The following BCL11B variants were observed in gnomAD, a reference collection of about 807,000 sequenced individuals.
BCL11B encodes BCL11 transcription factor B.
A neutral mutation model predicts 49.9 loss-of-function variants in BCL11B; 8 were observed. The observed-to-expected ratio is 0.16, with a 90% CI of 0.09 to 0.29. The LOEUF (loss-of-function observed/expected upper bound fraction) is 0.29, where lower values mean the gene tolerates loss of function less well. Among genes scored for constraint, BCL11B ranks in the 10% least tolerant of loss-of-function variants. The probability of loss-of-function intolerance (pLI) is 1.00; values close to 1 mark genes in which losing one functional copy is unlikely to be tolerated. For missense variants in BCL11B, 1,006 were observed against 1,351.0 expected (o/e 0.74, Z 4.00); for synonymous variants, 739 against 637.4 (o/e 1.16, Z -2.40).
chr14:99,233,423 ATC>A (rs957797531), intron 2 of BCL11B, among the ~76,000 whole-genome samples: 1 of 152,190 alleles, frequency 6.6e-6, no homozygotes, highest in Non-Finnish European at 1.5e-5. Context: ...GGGTCCTGGG[ATC>A]TCTAGAGCAA....
rs1889368273 is a variant in BCL11B at position 99,262,606 on chromosome 14, C to T, written c.59-4767G>A. Among the ~76,000 whole-genome samples, 2 of 152,176 alleles carry T rather than the reference C, an allele frequency of 1.3e-5. No individual in the cohort carries two copies. The highest frequency in any genetic ancestry group is 4.8e-5 in the African/African-American group (2 of 41,432). ...AAGAAATGTTCAGCATCCATCCGCC[C>T]GAGCTCTGCATCCGACTGGAGACTT... On this transcript the variant is annotated intron_variant, in intron 1 of 3. Transcript: ENST00000357195. The surrounding 1 kb of genome is among the most constrained non-coding windows in gnomAD (Gnocchi z 4.2).
intron 1 of BCL11B, among the ~76,000 whole-genome samples, chr14:99,265,614 G>A (rs1005260556): frequency 8.5e-5 from 13 of 152,204 alleles, no homozygotes; most frequent in African/African-American, 2.7e-4. Flanking sequence ...AGAGACCACC[G>A]TCCGGCCCAA....
chr14:99,228,447 C>T lies in BCL11B; in HGVS notation c.640+2898G>A, dbSNP rs1309889264. On this transcript the variant is annotated intron_variant, in intron 3 of 3. Coordinates refer to ENST00000357195, the MANE Select transcript of BCL11B (RefSeq NM_138576.4). The surrounding 1 kb of genome is among the most constrained non-coding windows in gnomAD (Gnocchi z 4.8). The stretch of plus-strand genomic sequence containing the variant: ...ACTGGGACCGAATGAAAAAAGAGAA[C>T]TGTACCAGACATGGTGGCAGAGGGC... Among the ~76,000 whole-genome samples the T allele has an allele frequency of 6.6e-6, 1 of 152,186 alleles. No individual in the cohort carries two copies. Among genetic ancestry groups the T allele is most frequent in the Non-Finnish European group, 1.5e-5 (1 of 68,022 alleles).
intron 3 of BCL11B, among the ~76,000 whole-genome samples, chr14:99,219,532 GA>G (rs1887949904): frequency 6.6e-6 from 1 of 152,102 alleles, no homozygotes; most frequent in Non-Finnish European, 1.5e-5. Context: ...CCCAGCCAAG[GA>G]AGCAAAACCA....
chr14:99,260,829 C>A lies in BCL11B; in HGVS notation c.59-2990G>T, dbSNP rs1328999143. 2.6e-5 allele frequency among the ~76,000 whole-genome samples: 4 copies of A among 152,126 alleles called. No homozygotes were observed. In the East Asian group the frequency reaches 7.7e-4, roughly 29 times the overall value. On this transcript the variant is annotated intron_variant, in intron 1 of 3. Transcript: ENST00000357195. ...GCGTCAAGTCCTAACAGCCAACCAA[C>A]CTGGGAGCCAGGCCCTGTTGGCGTC... is the stretch of plus-strand genomic sequence containing the variant.
At chr14:99,197,942 C>T (rs1370029204) in intron 3 of BCL11B, among the ~76,000 whole-genome samples, 6 of 152,162 alleles carry the variant, frequency 3.9e-5, no homozygotes, top group South Asian at 2.1e-4. Flanking sequence ...AATAAAGAGA[C>T]GATGCCTCCC....
chr14:99,180,929 A>G (rs560543164), intron 3 of BCL11B, among the ~76,000 whole-genome samples: 2 of 152,270 alleles, frequency 1.3e-5, no homozygotes, highest in South Asian at 4.1e-4. Context: ...CCTGCAATGA[A>G]ATGTGACTCT....
chr14:99,258,066 T>C (rs933405347), intron 1 of BCL11B, among the ~76,000 whole-genome samples: 3 of 152,204 alleles, frequency 2.0e-5, no homozygotes, highest in Non-Finnish European at 2.9e-5. Flanking sequence ...CCCCTGGGCA[T>C]TGCCACGTAA....
At chr14:99,239,461 G>T (rs546560327) in intron 2 of BCL11B, among the ~76,000 whole-genome samples, 1 of 152,296 alleles carries the variant, frequency 6.6e-6, no homozygotes, top group African/African-American at 2.4e-5. Context: ...GAACTTAGGG[G>T]CCAGACTCCA....
chr14:99,221,507 C>T (rs1345941057), intron 3 of BCL11B, among the ~76,000 whole-genome samples: 1 of 152,240 alleles, frequency 6.6e-6, no homozygotes, highest in Non-Finnish European at 1.5e-5. Flanking sequence ...CCAGTGGCAG[C>T]TCTGTGATTC....
At chr14:99,246,710 G>T (rs1888853122) in intron 2 of BCL11B, among the ~76,000 whole-genome samples, 1 of 96,406 alleles carries the variant, frequency 1.0e-5, no homozygotes, top group Admixed American at 1.2e-4. Flanking sequence ...TGAGCCCTTG[G>T]AGGGAGGGGC....
intron 3 of BCL11B, among the ~76,000 whole-genome samples, chr14:99,209,762 C>A (rs532815915): frequency 6.6e-6 from 1 of 152,188 alleles, no homozygotes; most frequent in South Asian, 2.1e-4. Flanking sequence ...GTCCTCTCTG[C>A]CTCTAAATCT....
In BCL11B at chr14:99,241,983, T is replaced by A. The variant is rs947565532; in HGVS notation, c.428-10426A>T. ...GATTTATTTAGCTGTGTTTAACGTG[T>A]CTGTCCTCCACTCGACTACAAGCCC... On this transcript the variant is annotated intron_variant, in intron 2 of 3. Coordinates refer to ENST00000357195, the MANE Select transcript of BCL11B (RefSeq NM_138576.4). This position sits in a 1 kb window ranked among gnomAD's most constrained non-coding sequence, Gnocchi z 4.4. Among the ~76,000 whole-genome samples, 1 of 152,180 alleles carries A rather than the reference T, an allele frequency of 6.6e-6. No individual in the cohort carries two copies. Among genetic ancestry groups the A allele is most frequent in the Admixed American group, 6.5e-5 (1 of 15,288 alleles).
Position 99,257,750 on chromosome 14 carries a change from C to T in BCL11B, c.148G>A (p.Gly50Ser), listed in dbSNP as rs1889213565. 1 of 1,607,736 alleles carries T rather than the reference C, an allele frequency of 6.2e-7. No individual in the cohort carries two copies. Among genetic ancestry groups the T allele is most frequent in the African/African-American group, 1.3e-5 (1 of 74,800 alleles). ...CAGGTGAGCAGGTCAGGGTCGGGGC[C>T]ACCCACCATCAGCCCCAGGCCACTT... is the stretch of plus-strand genomic sequence containing the variant. ...EPSGLGLMVG[G>S]PDPDLLTCGQ... Residue 50 changes from glycine (G) to serine (S), a missense_variant, in exon 2 of 4, where the codon GGC becomes AGC. Physicochemically the swap from Gly to Ser is moderately conservative, Grantham distance 56. Coordinates refer to ENST00000357195, the MANE Select transcript of BCL11B (RefSeq NM_138576.4). The surrounding 1 kb of genome is among the most constrained non-coding windows in gnomAD (Gnocchi z 6.2).
Position 99,173,776 on chromosome 14 carries a change from G to A in BCL11B, c.*375C>T, listed in dbSNP as rs1040713461. 1.1e-5 allele frequency: 3 copies of A among 269,472 alleles called. No homozygotes were observed. Among genetic ancestry groups the A allele is most frequent in the African/African-American group, 2.2e-5 (1 of 45,614 alleles). The allele number at this position is 269,472 out of a possible 1,614,324, so 16.7% of individuals were successfully genotyped here. A position where few individuals can be genotyped will look rare whatever the true frequency, so the allele number is the denominator to read the frequency against. The stretch of plus-strand genomic sequence containing the variant: ...ATATGCTTCCCCTCTAACATTGCTT[G>A]CGAGTCATTGCTCAGGCTACTACCG... On this transcript the variant is annotated 3_prime_UTR_variant, in exon 4 of 4. Transcript: ENST00000357195.
intron 2 of BCL11B, among the ~76,000 whole-genome samples, chr14:99,234,011 G>C (rs1009421008): frequency 1.3e-5 from 2 of 152,138 alleles, no homozygotes; most frequent in African/African-American, 4.8e-5. Context: ...CCTTCCCAAG[G>C]GTGGAACTCA....
chr14:99,255,798 G>A (rs1329025066), intron 2 of BCL11B, among the ~76,000 whole-genome samples: 1 of 152,230 alleles, frequency 6.6e-6, no homozygotes, highest in African/African-American at 2.4e-5. Context: ...GTGAAGAGAC[G>A]CTGCTCAGGT....
At position 99,194,613 on chromosome 14, in the gene BCL11B, A is replaced by C. The variant is rs1887128046; in HGVS notation, c.641-18418T>G. ...CTCTGAATCTGTCCTTCGGTGTGAA[A>C]GGCCTTGTCTGCAAAATGGCCCCCA... On this transcript the variant is annotated intron_variant, in intron 3 of 3. Transcript: ENST00000357195. The surrounding 1 kb of genome is among the most constrained non-coding windows in gnomAD (Gnocchi z 4.6). 6.6e-6 allele frequency among the ~76,000 whole-genome samples: 1 copy of C among 152,202 alleles called. No homozygotes were observed. Among genetic ancestry groups the C allele is most frequent in the African/African-American group, 2.4e-5 (1 of 41,450 alleles).
intron 3 of BCL11B, among the ~76,000 whole-genome samples, chr14:99,222,835 C>T (rs1474471697): frequency 7.0e-6 from 1 of 142,164 alleles, no homozygotes; most frequent in Non-Finnish European, 1.5e-5. Flanking sequence ...TTCTTTATTT[C>T]CCTTTCTTTC....
Sources: gnomAD v4.1 joint callset for allele counts (sites outside exome capture counted in the v4.1 genomes callset) on GRCh38, gnomAD v4.1.1 for gene constraint, Gnocchi (gnomAD v3.1) non-coding constraint, MANE v1.5 for transcripts, NCBI Gene and HGNC (gene_info 2026-07-23, HGNC 2026-07-21) for gene names.